Variants in CLPB observed in about 807,000 individuals in gnomAD.
CLPB encodes mitochondrial disaggregase.
CLPB carries 40 observed loss-of-function variants against 78.4 expected under a neutral mutation model. That is an observed-to-expected ratio of 0.51 (90% CI 0.40 to 0.66). CLPB has a LOEUF of 0.66. Among genes scored for constraint, CLPB ranks in the 30% least tolerant of loss-of-function variants. The pLI is 0.00. For missense variants in CLPB, 780 were observed against 886.9 expected (o/e 0.88, Z 1.53); for synonymous variants, 333 against 348.0 (o/e 0.96, Z 0.48).
intron 2 of CLPB, among the ~76,000 whole-genome samples, chr11:72,414,849 A>G (rs1045388527): frequency 3.9e-5 from 6 of 152,200 alleles, no homozygotes; most frequent in Non-Finnish European, 8.8e-5. Context: ...TACGCAACAG[A>G]TACTTGACAT....
intron 7 of CLPB, among the ~76,000 whole-genome samples, chr11:72,315,492 G>A (rs1204231422): frequency 6.6e-6 from 1 of 152,238 alleles, no homozygotes; most frequent in Non-Finnish European, 1.5e-5. Flanking sequence ...ATGGGGGCCT[G>A]AGCTGTGAGG....
chr11:72,399,366 C>T (rs1054761927), intron 3 of CLPB, among the ~76,000 whole-genome samples: 1 of 151,958 alleles, frequency 6.6e-6, no homozygotes, highest in African/African-American at 2.4e-5. Flanking sequence ...TTCCTTTAAC[C>T]AATATGATTT....
chr11:72,326,854 G>A (rs1051708385), intron 6 of CLPB, among the ~76,000 whole-genome samples: 1 of 152,180 alleles, frequency 6.6e-6, no homozygotes. Context: ...GCAGTTTGGA[G>A]GAAAAATGCA....
At chr11:72,381,561 C>T (rs551100822) in intron 3 of CLPB, among the ~76,000 whole-genome samples, 9 of 152,176 alleles carry the variant, frequency 5.9e-5, no homozygotes, top group African/African-American at 1.9e-4. Flanking sequence ...CCCATCCTAG[C>T]GCCAGGGCAG....
rs1400384462 is a variant in CLPB, at chr11:72,312,121, T to C, written c.989-3517A>G. ...TGACTGACTTTAAATAAAACACTTA[T>C]TCCTTTAGAGCCTCCGTTTCTTCCT... On this transcript the variant is annotated intron_variant, in intron 7 of 15. Transcript: ENST00000538039. The surrounding 1 kb of genome is among the most constrained non-coding windows in gnomAD (Gnocchi z 4.2). 2.0e-5 allele frequency among the ~76,000 whole-genome samples: 3 copies of C among 152,194 alleles called. No individual in the cohort carries two copies. Among genetic ancestry groups the C allele is most frequent in the South Asian group, 2.1e-4 (1 of 4,832 alleles).
At chr11:72,373,070 G>T in intron 4 of CLPB, 1 of 1,490,206 alleles carries the variant, frequency 6.7e-7, no homozygotes, top group Non-Finnish European at 9.4e-7. Flanking sequence ...TGCAGGCCCT[G>T]GAGCTCTGGG....
intron 2 of CLPB, among the ~76,000 whole-genome samples, chr11:72,404,601 A>G: frequency 6.6e-6 from 1 of 152,210 alleles, no homozygotes; most frequent in East Asian, 1.9e-4. Context: ...GTGCACTACA[A>G]GGAAACTTAA....
intron 14 of CLPB, 36 bp downstream of exon 14, chr11:72,294,289 C>T (rs750032367): frequency 2.5e-6 from 4 of 1,613,910 alleles, no homozygotes; most frequent in Non-Finnish European, 3.4e-6. Flanking sequence ...CAGTGGCTGG[C>T]TATCCCGCCC....
intron 3 of CLPB, among the ~76,000 whole-genome samples, chr11:72,386,548 CA>C (rs1300778393): frequency 6.6e-6 from 1 of 152,166 alleles, no homozygotes; most frequent in African/African-American, 2.4e-5. Flanking sequence ...GTATCTGATT[CA>C]ATTACTTGCT....
Position 72,294,620 on chromosome 11 carries a change from T to G in CLPB, c.1560A>C (p.Lys520Asn). 6.2e-7 allele frequency: 1 copy of G among 1,613,954 alleles called. No homozygotes were observed. The highest frequency in any genetic ancestry group is 8.5e-7 in the Non-Finnish European group (1 of 1,179,800). ...GGAAGTGCCAAGAAAGACCTCTTAC[T>G]TTCAGGATAGGGCGAATCACATTCT... Reference protein sequence around the residue: ...FKENVIRPILKAHFRRDEFLG... With the variant: ...FKENVIRPILNAHFRRDEFLG... The change falls in exon 13 of 16, where the codon AAA becomes AAC. Residue 520 changes from lysine to asparagine, a missense_variant and splice_region_variant. Lys to Asn is a moderately conservative substitution (Grantham distance 94). Around this residue, in one of 3 missense-constraint regions of CLPB, gnomAD observed 272 missense variants for 304.0 expected, o/e 0.89. Transcript: ENST00000538039.
At chr11:72,308,912 G>A (rs531605971) in intron 7 of CLPB, among the ~76,000 whole-genome samples, 3 of 152,252 alleles carry the variant, frequency 2.0e-5, no homozygotes, top group East Asian at 1.9e-4. Flanking sequence ...AAGGGGGTGG[G>A]GGACTGGTGA....
At chr11:72,357,825 G>A (rs1950749375) in intron 5 of CLPB, among the ~76,000 whole-genome samples, 1 of 152,070 alleles carries the variant, frequency 6.6e-6, no homozygotes, top group South Asian at 2.1e-4. Flanking sequence ...AAGAGAGGCA[G>A]GCAATCATCA....
At position 72,288,330 on chromosome 11, in the gene CLPB, A is replaced by G. The variant is rs1481879730; in HGVS notation, c.*5037T>C. The G allele has an allele frequency of 6.6e-6, 1 of 152,168 alleles. No individual in the cohort carries two copies. Among genetic ancestry groups the G allele is most frequent in the Non-Finnish European group, 1.5e-5 (1 of 68,052 alleles). 9.4% of individuals were successfully genotyped at this position (152,168 alleles called of 1,614,324 possible). ...TGGTGAAACCCCGTCTTTACTAAAAATACAAAAAAAATTAGCTGGGTATGG... is the reference window on the plus strand; with the variant it reads ...TGGTGAAACCCCGTCTTTACTAAAAGTACAAAAAAAATTAGCTGGGTATGG... On this transcript the variant is annotated 3_prime_UTR_variant, in exon 16 of 16. Transcript: ENST00000538039.
chr11:72,295,642 GC>G lies in CLPB; in HGVS notation c.1335del (p.Leu446Ter). The G allele has an allele frequency of 6.2e-7, 1 of 1,613,910 alleles. No homozygotes were observed. The highest frequency in any genetic ancestry group is 1.1e-5 in the South Asian group (1 of 90,958). The part of the protein sequence containing the change: ...TIMLQLFDEG[R>X]LTDGKGKTID... ...ATGGTCTTCCCTTTTCCATCTGTCAGCCGGCCCTGGGAAGGGAAGGAAGGGA... is the reference window on the plus strand; with the variant it reads ...ATGGTCTTCCCTTTTCCATCTGTCAGCGGCCCTGGGAAGGGAAGGAAGGGA... On this transcript the variant is annotated frameshift_variant, in exon 12 of 16. Transcript: ENST00000538039. LOFTEE classifies it high-confidence loss of function.
chr11:72,374,477 A>C (rs1951103269), intron 4 of CLPB, among the ~76,000 whole-genome samples: 1 of 152,188 alleles, frequency 6.6e-6, no homozygotes, highest in East Asian at 1.9e-4. Flanking sequence ...GGGAAAGCAA[A>C]GAACAATCAG....
Position 72,388,319 on chromosome 11 carries a change from C to T in CLPB, c.543-7935G>A, listed in dbSNP as rs915858909. Among the ~76,000 whole-genome samples, 6 of 150,072 alleles carry T rather than the reference C, an allele frequency of 4.0e-5. No homozygotes were observed. In the East Asian group the frequency reaches 5.9e-4, roughly 15 times the overall value. On this transcript the variant is annotated intron_variant, in intron 3 of 15. Coordinates refer to ENST00000538039, the MANE Select transcript of CLPB (RefSeq NM_001258392.3). ...AGGCTGGAGTGCACTGGCGCAATCT[C>T]GGCTCACTGCCAGCTCCGCCTCCCG...
chr11:72,330,587 C>T (rs1444281124), intron 5 of CLPB, among the ~76,000 whole-genome samples: 1 of 152,218 alleles, frequency 6.6e-6, no homozygotes, highest in Non-Finnish European at 1.5e-5. Context: ...GCTGTCACAG[C>T]CTTCCCAAAG....
intron 2 of CLPB, among the ~76,000 whole-genome samples, chr11:72,417,525 G>T (rs973665670): frequency 6.6e-6 from 1 of 152,254 alleles, no homozygotes; most frequent in Middle Eastern, 3.4e-3. Context: ...GGAATTAGTG[G>T]TGCTGGTTGC....
chr11:72,417,630 G>A (rs1437311899), intron 2 of CLPB, among the ~76,000 whole-genome samples: 2 of 152,302 alleles, frequency 1.3e-5, no homozygotes, highest in Admixed American at 6.5e-5. Flanking sequence ...AAAAAAGAAT[G>A]AATGTATATT....
Sources: allele counts gnomAD v4.1 joint callset (sites outside exome capture counted in the v4.1 genomes callset), GRCh38; gene constraint gnomAD v4.1.1; regional missense constraint gnomAD v4.1.1; non-coding constraint Gnocchi (gnomAD v3.1); transcripts MANE v1.5; gene names NCBI Gene and HGNC (gene_info 2026-07-23, HGNC 2026-07-21).